EFCAB6: variants seen among roughly 807,000 people sequenced by gnomAD.
EFCAB6 encodes EF-hand calcium binding domain 6.
EFCAB6 carries 156 observed loss-of-function variants against 169.8 expected under a neutral mutation model. That is an observed-to-expected ratio of 0.92 (90% CI 0.81 to 1.05). The LOEUF (loss-of-function observed/expected upper bound fraction) is 1.05, where lower values mean the gene tolerates loss of function less well. Among genes scored for constraint, EFCAB6 ranks in the 50% least tolerant of loss-of-function variants. The pLI, the probability that EFCAB6 is intolerant of heterozygous loss-of-function variation, is 0.00. For synonymous variants in EFCAB6, 698 were observed against 676.4 expected, an observed-to-expected ratio of 1.03 and a Z score of -0.50; for missense variants, 1,800 against 1,829.1, an observed-to-expected ratio of 0.98 and a Z score of 0.29.
chr22:43,627,233 G>A (rs1335635230), intron 19 of EFCAB6, among the ~76,000 whole-genome samples: 2 of 152,270 alleles, frequency 1.3e-5, no homozygotes, highest in African/African-American at 4.8e-5. Context: ...CTGGTTGGAG[G>A]GCACAGGGAT....
In EFCAB6 at chr22:43,711,590, G is replaced by T. The variant is rs749619123; in HGVS notation, c.916C>A (p.Leu306Ile). ...CCTTTACAGGGGTCCCCTGCACTGAGGGCCTTTTCAACCTTTTCATAAGAC... is the reference window on the plus strand; with the variant it reads ...CCTTTACAGGGGTCCCCTGCACTGATGGCCTTTTCAACCTTTTCATAAGAC... ...SKSYEKVEKA[L>I]SAGDPCKGGY... The change falls in exon 10 of 32, where the codon CTC (leucine) becomes ATC (isoleucine). Residue 306 changes from leucine (L) to isoleucine (I), a missense_variant. By Grantham distance (5) the Leu-to-Ile change is conservative (BLOSUM62 2). Coordinates refer to ENST00000262726, the MANE Select transcript of EFCAB6 (RefSeq NM_022785.4). 3 of 1,590,522 alleles carry T rather than the reference G, an allele frequency of 1.9e-6. No homozygotes were observed.
At chr22:43,802,411 T>C (rs191539598) in intron 2 of EFCAB6, 1 of 205,488 alleles carries the variant, frequency 4.9e-6, no homozygotes, top group Non-Finnish European at 9.8e-6. Flanking sequence ...GTGCCTGTAA[T>C]CCCAGCTACT....
At chr22:43,755,885 T>C (rs2060941832) in intron 5 of EFCAB6, 53 bp from the exon 6 acceptor site, 2 of 1,465,512 alleles carry the variant, frequency 1.4e-6, no homozygotes, top group Non-Finnish European at 1.8e-6. Flanking sequence ...AATAAATGTT[T>C]ACATAGGATA....
chr22:43,553,043 C>T (rs1218022495), intron 27 of EFCAB6: 1 of 152,140 alleles, frequency 6.6e-6, no homozygotes, highest in African/African-American at 2.4e-5. Flanking sequence ...GAATGTTAAA[C>T]CTGATAGTCA....
At chr22:43,717,728 G>T (rs1180196503) in intron 8 of EFCAB6, among the ~76,000 whole-genome samples, 1 of 152,060 alleles carries the variant, frequency 6.6e-6, no homozygotes, top group Non-Finnish European at 1.5e-5. Context: ...ACTTGAATAT[G>T]CTTAAATCCT....
intron 4 of EFCAB6, among the ~76,000 whole-genome samples, chr22:43,765,758 T>A (rs1047093653): frequency 1.3e-5 from 2 of 152,216 alleles, no homozygotes; most frequent in Non-Finnish European, 2.9e-5. Flanking sequence ...AATTTTATAC[T>A]GAGTGTCACG....
At chr22:43,684,500 T>C (rs1464247743) in intron 11 of EFCAB6, among the ~76,000 whole-genome samples, 1 of 152,144 alleles carries the variant, frequency 6.6e-6, no homozygotes, top group Non-Finnish European at 1.5e-5. Flanking sequence ...CTCATCACAA[T>C]ATACCATTGG....
At chr22:43,757,792 T>C (rs1306432072) in intron 5 of EFCAB6, among the ~76,000 whole-genome samples, 1 of 152,186 alleles carries the variant, frequency 6.6e-6, no homozygotes, top group Non-Finnish European at 1.5e-5. Flanking sequence ...TTTTTCCTTA[T>C]CTACATCTTG....
chr22:43,562,066 A>C (rs565871728), intron 26 of EFCAB6, among the ~76,000 whole-genome samples: 1 of 152,306 alleles, frequency 6.6e-6, no homozygotes, highest in East Asian at 1.9e-4. Flanking sequence ...TTCAACAAGC[A>C]AACAAACAAA....
In EFCAB6 at chr22:43,540,149, G is replaced by A. The variant is rs759521381; in HGVS notation, c.3857C>T (p.Ser1286Leu). ...SLPTQELRPG[S>L]KSQSHPCTPA... ...CACACAGGGGTGGCTCTGCGACTTT[G>A]ACCCTGGTCTCAGCTCCTGAGTGGG... is the stretch of plus-strand genomic sequence containing the variant. Residue 1286 changes from serine (S) to leucine (L), a missense_variant, in exon 28 of 32, where the codon TCA becomes TTA. Ser to Leu is a moderately radical substitution (Grantham distance 145, BLOSUM62 -2). Transcript: ENST00000262726. 6.2e-7 allele frequency: 1 copy of A among 1,614,114 alleles called. No homozygotes were observed. The highest frequency in any genetic ancestry group is 1.7e-5 in the Admixed American group (1 of 60,024).
At chr22:43,646,728 A>T (rs2056182510) in intron 17 of EFCAB6, among the ~76,000 whole-genome samples, 1 of 152,244 alleles carries the variant, frequency 6.6e-6, no homozygotes, top group Non-Finnish European at 1.5e-5. Flanking sequence ...AGAGAAGTTC[A>T]GGCTAACTAA....
intron 26 of EFCAB6, among the ~76,000 whole-genome samples, chr22:43,566,709 C>T (rs749945108): frequency 6.6e-6 from 1 of 152,224 alleles, no homozygotes; most frequent in Non-Finnish European, 1.5e-5. Context: ...AAAATCCCAA[C>T]TCAGCAACAC....
Position 43,751,026 on chromosome 22 carries a change from C to T in EFCAB6, c.507+4740G>A, listed in dbSNP as rs1353271638. The stretch of plus-strand genomic sequence containing the variant: ...CGACTGGGTAGACCAGATGTTCTGG[C>T]ATCATGGTGCCTGAACCTTCAAGCA... On this transcript the variant is annotated intron_variant, in intron 6 of 31. Transcript: ENST00000262726. Among the ~76,000 whole-genome samples, 4 of 152,214 alleles carry T rather than the reference C, an allele frequency of 2.6e-5. No homozygotes were observed. In the South Asian group the frequency reaches 6.2e-4, roughly 24 times the overall value.
rs148393745 is a variant in EFCAB6, at chr22:43,624,422, G to A, written c.2465+2025C>T. Reference sequence around the variant, plus strand: ...TAGAAGGTGACGTCCTTCACAGCCCGCCCTCCTGCCCTCCTGGCCTCCTCC... The same window carrying A: ...TAGAAGGTGACGTCCTTCACAGCCCACCCTCCTGCCCTCCTGGCCTCCTCC... On this transcript the variant is annotated intron_variant, in intron 20 of 31. Coordinates refer to ENST00000262726, the MANE Select transcript of EFCAB6 (RefSeq NM_022785.4). Among the ~76,000 whole-genome samples the A allele has an allele frequency of 1.5e-3, 232 of 152,110 alleles. 3 individuals carry two copies. The highest frequency in any genetic ancestry group is 0.014 in the Middle Eastern group (4 of 294).
chr22:43,770,780 GA>G (rs951434497), intron 4 of EFCAB6, among the ~76,000 whole-genome samples: 1 of 150,074 alleles, frequency 6.7e-6, no homozygotes, highest in African/African-American at 2.5e-5. Context: ...GAATGGGACA[GA>G]AAAAAATTTG....
At chr22:43,799,868 A>G (rs2062641921) in intron 2 of EFCAB6, among the ~76,000 whole-genome samples, 1 of 152,090 alleles carries the variant, frequency 6.6e-6, no homozygotes, top group Admixed American at 6.5e-5. Flanking sequence ...CCTGGCACCA[A>G]GCATGCAAGA....
intron 20 of EFCAB6, among the ~76,000 whole-genome samples, chr22:43,620,167 T>G (rs2147773214): frequency 6.6e-6 from 1 of 151,768 alleles, no homozygotes; most frequent in South Asian, 2.1e-4. Context: ...AAAATAAAAA[T>G]TTAGGCATGA....
At chr22:43,548,539 CAAAAAAAAAAAAA>C (rs397868076) in intron 27 of EFCAB6, among the ~76,000 whole-genome samples, 5 of 36,750 alleles carry the variant, frequency 1.4e-4, no homozygotes, top group Admixed American at 1.0e-3. Context: ...GAATCCATCT[CAAAAAAAAAAAAA>C]AAAAAAAAAA....
Position 43,554,851 on chromosome 22 carries a change from C to A in EFCAB6, c.3648+18G>T. 1.2e-6 allele frequency: 2 copies of A among 1,611,954 alleles called. No homozygotes were observed. Among genetic ancestry groups the A allele is most frequent in the Non-Finnish European group, 1.7e-6 (2 of 1,178,010 alleles). On this transcript the variant is annotated intron_variant, in intron 27 of 31. Transcript: ENST00000262726. ...CAGCCAACGGTGTGCAGGGTGAGGA[C>A]TGACTGGCGTTTCTTACCTGTTCGT...
Sources: allele counts gnomAD v4.1 joint callset (sites outside exome capture counted in the v4.1 genomes callset), GRCh38; gene constraint gnomAD v4.1.1; transcripts MANE v1.5; gene names NCBI Gene and HGNC (gene_info 2026-07-23, HGNC 2026-07-21).